The following NR3C2 variants were observed in gnomAD, a reference collection of about 807,000 sequenced individuals.
The protein encoded by NR3C2 is mineralocorticoid receptor.
In NR3C2, 15 loss-of-function variants were observed where a neutral mutation model predicts 86.4. The ratio of observed to expected loss-of-function variants is 0.17; its 90% CI spans 0.12 to 0.27. The LOEUF (loss-of-function observed/expected upper bound fraction) is 0.27, where lower values mean the gene tolerates loss of function less well. Among genes scored for constraint, NR3C2 ranks in the 10% least tolerant of loss-of-function variants. NR3C2 has a pLI of 1.00. For missense variants in NR3C2, 960 were observed against 1,195.6 expected (o/e 0.80, Z 2.91); for synonymous variants, 458 against 450.5 (o/e 1.02, Z -0.21).
At chr4:148,394,951 G>A (rs1442805420) in intron 2 of NR3C2, among the ~76,000 whole-genome samples, 5 of 152,052 alleles carry the variant, frequency 3.3e-5, no homozygotes, top group Non-Finnish European at 7.4e-5. Flanking sequence ...AACTAAAGAC[G>A]AAATTGTTCA....
intron 8 of NR3C2, among the ~76,000 whole-genome samples, chr4:148,110,044 G>C (rs1177903630): frequency 6.6e-6 from 1 of 152,196 alleles, no homozygotes; most frequent in African/African-American, 2.4e-5. Context: ...TTCTAGTAGA[G>C]TAAGGATTCT....
At position 148,352,366 on chromosome 4, in the gene NR3C2, C is replaced by T. The variant is rs1745323814; in HGVS notation, c.1757+82738G>A. On this transcript the variant is annotated intron_variant, in intron 2 of 8. Transcript: ENST00000358102. The stretch of plus-strand genomic sequence containing the variant: ...TAATAAATCTTAACTCTACATACAA[C>T]TCCTATCATCTATCTATCTATCTAT... Among the ~76,000 whole-genome samples the T allele has an allele frequency of 3.4e-5, 5 of 145,284 alleles. No homozygotes were observed. The Admixed American group carries it at 3.5e-4, about 10-fold the overall frequency.
chr4:148,382,491 T>C (rs1052503723), intron 2 of NR3C2, among the ~76,000 whole-genome samples: 2 of 152,150 alleles, frequency 1.3e-5, no homozygotes, highest in Non-Finnish European at 2.9e-5. Flanking sequence ...CAAGCCTAAA[T>C]GTGAACACAG....
At chr4:148,373,216 C>A (rs1746504870) in intron 2 of NR3C2, among the ~76,000 whole-genome samples, 1 of 152,188 alleles carries the variant, frequency 6.6e-6, no homozygotes, top group Non-Finnish European at 1.5e-5. Flanking sequence ...GGCTCTCTCT[C>A]CCCGCCTTCT....
intron 2 of NR3C2, among the ~76,000 whole-genome samples, chr4:148,340,081 G>A (rs543253501): frequency 6.6e-6 from 1 of 152,182 alleles, no homozygotes; most frequent in African/African-American, 2.4e-5. Flanking sequence ...GCCCATGCTC[G>A]TGGATGGAAA....
At chr4:148,392,833 A>G (rs895199066) in intron 2 of NR3C2, among the ~76,000 whole-genome samples, 2 of 152,212 alleles carry the variant, frequency 1.3e-5, no homozygotes, top group Non-Finnish European at 2.9e-5. Context: ...AAAGTAATGT[A>G]AGGCTTTCCC....
chr4:148,328,776 G>A (rs528264538), intron 2 of NR3C2, among the ~76,000 whole-genome samples: 1 of 152,316 alleles, frequency 6.6e-6, no homozygotes, highest in East Asian at 1.9e-4. Context: ...GCCTGGGGCT[G>A]TGCTGGCTTA....
intron 3 of NR3C2, among the ~76,000 whole-genome samples, chr4:148,246,495 T>C (rs903335163): frequency 6.6e-6 from 1 of 152,198 alleles, no homozygotes; most frequent in Non-Finnish European, 1.5e-5. Context: ...AGTTAGCAAC[T>C]GAGGATCTTC....
At chr4:148,231,222 T>C (rs1490521827) in intron 3 of NR3C2, among the ~76,000 whole-genome samples, 3 of 152,214 alleles carry the variant, frequency 2.0e-5, no homozygotes, top group Non-Finnish European at 4.4e-5. Context: ...ACCTAGATTC[T>C]AGGTCCAGAT....
At chr4:148,414,423 G>A (rs550827148) in intron 2 of NR3C2, among the ~76,000 whole-genome samples, 2 of 152,066 alleles carry the variant, frequency 1.3e-5, no homozygotes, top group Non-Finnish European at 2.9e-5. Context: ...AGCAAATTAT[G>A]AGTACTATAA....
intron 2 of NR3C2, among the ~76,000 whole-genome samples, chr4:148,375,399 T>C (rs1746624371): frequency 1.3e-5 from 2 of 151,008 alleles, no homozygotes; most frequent in Admixed American, 6.6e-5. Flanking sequence ...GAGGTTGCAG[T>C]GAGCTGAGAT....
At chr4:148,268,159 T>G in intron 2 of NR3C2, among the ~76,000 whole-genome samples, 1 of 152,154 alleles carries the variant, frequency 6.6e-6, no homozygotes, top group East Asian at 1.9e-4. Flanking sequence ...CAGGCTGGTC[T>G]TGAACTCCTG....
At chr4:148,443,990 G>A, upstream of NR3C2, 1 of 985,114 alleles carries the variant, frequency 1.0e-6, no homozygotes, top group Non-Finnish European at 1.2e-6. Context: ...TCCCCAGCTT[G>A]GAGCTGCCCC....
At chr4:148,240,521 C>T (rs2149846889) in intron 3 of NR3C2, among the ~76,000 whole-genome samples, 1 of 152,140 alleles carries the variant, frequency 6.6e-6, no homozygotes, top group Admixed American at 6.5e-5. Context: ...TAAGGGGAGG[C>T]TCTCATTGCT....
At position 148,210,824 on chromosome 4, in the gene NR3C2, A is replaced by T. The variant is rs370500486; in HGVS notation, c.1898-15962T>A. ...TATTTTCATATACAAAACCACCACA[A>T]TCTGTAAATCACTAACTTGCTGGGT... On this transcript the variant is annotated intron_variant, in intron 3 of 8. Coordinates refer to ENST00000358102, the MANE Select transcript of NR3C2 (RefSeq NM_000901.5). 1.6e-4 allele frequency among the ~76,000 whole-genome samples: 24 copies of T among 152,354 alleles called. No individual in the cohort carries two copies. In the South Asian group the frequency reaches 3.1e-3, roughly 20 times the overall value.
Position 148,152,460 on chromosome 4 carries a change from G to A in NR3C2, c.2510+9C>T, listed in dbSNP as rs1433448874. 8.1e-6 allele frequency: 13 copies of A among 1,612,626 alleles called. No individual in the cohort carries two copies. The highest frequency in any genetic ancestry group is 4.5e-5 in the East Asian group (2 of 44,850). ...TTTATTTTATGAAGGCTAATTAATAGGTACTTACTCATTAAAGACTAGGTC... is the reference window on the plus strand; with the variant it reads ...TTTATTTTATGAAGGCTAATTAATAAGTACTTACTCATTAAAGACTAGGTC... On this transcript the variant is annotated intron_variant, in intron 6 of 8. Transcript: ENST00000358102.
At chr4:148,280,812 C>T (rs895843153) in intron 2 of NR3C2, among the ~76,000 whole-genome samples, 4 of 152,138 alleles carry the variant, frequency 2.6e-5, no homozygotes, top group Non-Finnish European at 5.9e-5. Flanking sequence ...AGCCTAATTC[C>T]GTTTTAGAAT....
chr4:148,132,951 C>T (rs539811166), intron 6 of NR3C2, among the ~76,000 whole-genome samples: 1 of 152,312 alleles, frequency 6.6e-6, no homozygotes, highest in Non-Finnish European at 1.5e-5. Context: ...GTAATCCCAG[C>T]ACTTTGGGAG....
intron 6 of NR3C2, among the ~76,000 whole-genome samples, chr4:148,142,722 C>T (rs541104216): frequency 6.6e-6 from 1 of 152,290 alleles, no homozygotes; most frequent in African/African-American, 2.4e-5. Context: ...TCTTGAACTC[C>T]TGAGTAGCAA....
Sources: allele counts gnomAD v4.1 joint callset (sites outside exome capture counted in the v4.1 genomes callset), GRCh38; gene constraint gnomAD v4.1.1; transcripts MANE v1.5; gene names NCBI Gene and HGNC (gene_info 2026-07-23, HGNC 2026-07-21).